MBD2: variants seen among roughly 807,000 people sequenced by gnomAD.
The protein encoded by MBD2 is methyl-CpG-binding domain protein 2.
A neutral mutation model predicts 39.3 loss-of-function variants in MBD2; 9 were observed. The observed-to-expected ratio is 0.23, with a 90% CI of 0.14 to 0.40. MBD2 has a LOEUF of 0.40. Ranked by LOEUF, MBD2 falls within the 10% of genes least tolerant of loss-of-function variation. MBD2 has a pLI of 1.00. For missense variants in MBD2, 458 were observed against 532.6 expected, an observed-to-expected ratio of 0.86 and a Z score of 1.38; for synonymous variants, 233 against 211.1, an observed-to-expected ratio of 1.10 and a Z score of -0.90.
chr18:54,173,723 G>C (rs1319019469), intron 3 of MBD2, among the ~76,000 whole-genome samples: 1 of 152,118 alleles, frequency 6.6e-6, no homozygotes, highest in African/African-American at 2.4e-5. Context: ...CACTACTAAG[G>C]CTCTCCATGG....
At chr18:54,159,050 C>T (rs1322333909) in intron 6 of MBD2, among the ~76,000 whole-genome samples, 1 of 152,170 alleles carries the variant, frequency 6.6e-6, no homozygotes, top group Non-Finnish European at 1.5e-5. Flanking sequence ...GCCTGCTTTG[C>T]CACCATAATT....
Position 54,210,974 on chromosome 18 carries a change from C to T in MBD2, c.543-5817G>A, listed in dbSNP as rs984085107. Among the ~76,000 whole-genome samples, 5 of 149,022 alleles carry T rather than the reference C, an allele frequency of 3.4e-5. No individual in the cohort carries two copies. The East Asian group carries it at 9.8e-4, about 29-fold the overall frequency. ...GCAAGCTCCGCCTCCCGGGTTCACG[C>T]CATTCTCCTGCCTCAGCCTCCCAAG... On this transcript the variant is annotated intron_variant, in intron 1 of 6. Transcript: ENST00000256429.
intron 3 of MBD2, among the ~76,000 whole-genome samples, chr18:54,173,902 G>C (rs661215): frequency 4.6e-5 from 7 of 152,112 alleles, no homozygotes; most frequent in African/African-American, 1.7e-4. Context: ...TAATCTTCTT[G>C]TTATTTTTAG....
At chr18:54,162,681 G>C (rs1260558174) in intron 5 of MBD2, among the ~76,000 whole-genome samples, 1 of 152,206 alleles carries the variant, frequency 6.6e-6, no homozygotes, top group Non-Finnish European at 1.5e-5. Context: ...TCCCAAGATG[G>C]AAAAGAACTT....
At chr18:54,193,292 T>C (rs909719751) in intron 2 of MBD2, among the ~76,000 whole-genome samples, 23 of 152,208 alleles carry the variant, frequency 1.5e-4, no homozygotes, top group African/African-American at 5.5e-4. Flanking sequence ...TGTTTATGTA[T>C]ATGCAATCTT....
intron 2 of MBD2, chr18:54,202,818 C>T: frequency 3.8e-6 from 6 of 1,564,350 alleles, no homozygotes; most frequent in Non-Finnish European, 5.2e-6. Flanking sequence ...AGACATGGTC[C>T]CTGCCCTCAT....
intron 2 of MBD2, chr18:54,203,087 G>A (rs1356910385): frequency 9.5e-6 from 15 of 1,586,798 alleles, no homozygotes; most frequent in African/African-American, 1.3e-5. Context: ...GCAGGACGAT[G>A]AGTGTTCCAG....
chr18:54,193,198 G>A (rs2086335405), intron 2 of MBD2, among the ~76,000 whole-genome samples: 1 of 152,142 alleles, frequency 6.6e-6, no homozygotes, highest in Admixed American at 6.5e-5. Flanking sequence ...TTTTTCTACA[G>A]TTTAGTTTAG....
At chr18:54,194,107 C>A (rs1053943457) in intron 2 of MBD2, among the ~76,000 whole-genome samples, 4 of 151,926 alleles carry the variant, frequency 2.6e-5, no homozygotes, top group African/African-American at 9.7e-5. Context: ...TGTATTTCTA[C>A]CCCTTATGAG....
intron 1 of MBD2, among the ~76,000 whole-genome samples, chr18:54,220,463 C>T: frequency 6.6e-6 from 1 of 152,136 alleles, no homozygotes; most frequent in East Asian, 1.9e-4. Flanking sequence ...AAACATACTA[C>T]CAAAATTTGA....
chr18:54,171,278 G>T (rs1327938327), intron 3 of MBD2, among the ~76,000 whole-genome samples: 1 of 152,020 alleles, frequency 6.6e-6, no homozygotes, highest in Non-Finnish European at 1.5e-5. Flanking sequence ...GCGCATGCCT[G>T]TAATGCTACT....
intron 3 of MBD2, among the ~76,000 whole-genome samples, chr18:54,183,079 C>T (rs1350939033): frequency 3.3e-5 from 5 of 152,172 alleles, no homozygotes; most frequent in Admixed American, 1.3e-4. Context: ...TAGGAAGAAT[C>T]AAGGATGATG....
At chr18:54,201,395 A>G (rs2086406480) in intron 2 of MBD2, among the ~76,000 whole-genome samples, 1 of 152,202 alleles carries the variant, frequency 6.6e-6, no homozygotes, top group African/African-American at 2.4e-5. Context: ...AAGAAAATCA[A>G]TAAGGTATAA....
intron 1 of MBD2, among the ~76,000 whole-genome samples, chr18:54,208,980 C>A (rs192468399): frequency 1.3e-5 from 2 of 152,152 alleles, no homozygotes; most frequent in Admixed American, 1.3e-4. Context: ...CATATTATTT[C>A]TATTGTTTAT....
At position 54,224,455 on chromosome 18, in the gene MBD2, C is replaced by T; in HGVS notation, c.105G>A (p.Gly35=). ...ACGGGGCGAGCGCGCTGCCCTGGCC[C>T]CCCTGCTCTATGGCGGAGTCGCCGC... ...GAGGDSAIEQ[G]GQGSALAPSP... is the part of the protein sequence containing the mutation. Residue 35 remains glycine (G), a synonymous_variant, in exon 1 of 7, where the codon GGG becomes GGA. Coordinates refer to ENST00000256429, the MANE Select transcript of MBD2 (RefSeq NM_003927.5). 3 of 1,236,016 alleles carry T rather than the reference C, an allele frequency of 2.4e-6. No homozygotes were observed. The highest frequency in any genetic ancestry group is 3.0e-6 in the Non-Finnish European group (3 of 992,436). 76.6% of individuals were successfully genotyped at this position (1,236,016 alleles called of 1,614,324 possible).
chr18:54,211,388 T>TACAA (rs2086505082), intron 1 of MBD2, among the ~76,000 whole-genome samples: 3 of 148,114 alleles, frequency 2.0e-5, no homozygotes, highest in African/African-American at 7.5e-5. Context: ...ATTATTGCTA[T>TACAA]ACACACACAC....
At chr18:54,204,872 G>A (rs1738305834) in intron 2 of MBD2, 126 bp downstream of exon 2, 9 of 788,156 alleles carry the variant, frequency 1.1e-5, no homozygotes, top group Non-Finnish European at 1.9e-5. Context: ...GGACAGGGTG[G>A]GCAGGGTATG....
At chr18:54,203,475 T>C (rs1258180844) in intron 2 of MBD2, among the ~76,000 whole-genome samples, 1 of 152,176 alleles carries the variant, frequency 6.6e-6, no homozygotes, top group Non-Finnish European at 1.5e-5. Flanking sequence ...TTTCTTAACA[T>C]CTTCATAATG....
At chr18:54,220,492 A>C (rs957295354) in intron 1 of MBD2, among the ~76,000 whole-genome samples, 1 of 152,250 alleles carries the variant, frequency 6.6e-6, no homozygotes, top group Non-Finnish European at 1.5e-5. Context: ...CGATGAGCTT[A>C]ATTTCAGTCC....
Sources: allele counts gnomAD v4.1 joint callset (sites outside exome capture counted in the v4.1 genomes callset), GRCh38; gene constraint gnomAD v4.1.1; transcripts MANE v1.5; gene names NCBI Gene and HGNC (gene_info 2026-07-23, HGNC 2026-07-21).